Variants in SPAG16 observed in about 807,000 individuals in gnomAD.
The protein encoded by SPAG16 is sperm associated antigen 16.
In SPAG16, 86 loss-of-function variants were observed where a neutral mutation model predicts 80.4. That is an observed-to-expected ratio of 1.07 (90% CI 0.90 to 1.28). The LOEUF (loss-of-function observed/expected upper bound fraction) is 1.28, where lower values mean the gene tolerates loss of function less well. Among genes scored for constraint, SPAG16 ranks in the 50% most tolerant of loss-of-function variants. The probability of loss-of-function intolerance (pLI) is 0.00; values close to 1 mark genes in which losing one functional copy is unlikely to be tolerated. For missense variants in SPAG16, 870 were observed against 765.3 expected (o/e 1.14, Z -1.61); for synonymous variants, 294 against 265.9 (o/e 1.11, Z -1.03).
At chr2:214,330,277 CAAA>C (rs575894776) in intron 15 of SPAG16, among the ~76,000 whole-genome samples, 2 of 105,196 alleles carry the variant, frequency 1.9e-5, no homozygotes, top group Non-Finnish European at 2.1e-5. Context: ...AACTCTGTCT[CAAA>C]AAAAAAAAAA....
chr2:213,775,521 A>T (rs2069518071), intron 10 of SPAG16, among the ~76,000 whole-genome samples: 1 of 152,222 alleles, frequency 6.6e-6, no homozygotes, highest in South Asian at 2.1e-4. Context: ...GTTTCCAAGT[A>T]CACAGTACAG....
At chr2:214,275,431 G>A (rs1164873043) in intron 15 of SPAG16, among the ~76,000 whole-genome samples, 1 of 152,148 alleles carries the variant, frequency 6.6e-6, no homozygotes, top group Non-Finnish European at 1.5e-5. Context: ...TGGGCATTTA[G>A]TGCTATAAAC....
intron 11 of SPAG16, among the ~76,000 whole-genome samples, chr2:213,925,403 G>A (rs2078424975): frequency 6.7e-6 from 1 of 150,212 alleles, no homozygotes. Flanking sequence ...CTAGGCTGGA[G>A]TGCAGTGTCA....
At chr2:213,600,596 C>A (rs895942996) in intron 10 of SPAG16, among the ~76,000 whole-genome samples, 1 of 152,102 alleles carries the variant, frequency 6.6e-6, no homozygotes, top group African/African-American at 2.4e-5. Context: ...TACCAACTTT[C>A]TCCATCCAAT....
intron 3 of SPAG16, among the ~76,000 whole-genome samples, chr2:213,301,121 A>G (rs1485305864): frequency 2.6e-5 from 4 of 152,178 alleles, no homozygotes; most frequent in East Asian, 1.9e-4. Flanking sequence ...CTCTCACATC[A>G]TAATGCTAAT....
At chr2:214,405,687 C>G (rs1031225018) in intron 15 of SPAG16, among the ~76,000 whole-genome samples, 3 of 152,126 alleles carry the variant, frequency 2.0e-5, no homozygotes, top group Non-Finnish European at 2.9e-5. Context: ...ATCCCAGCTA[C>G]TCCGGAGGCT....
At chr2:214,285,063 A>C (rs921122120) in intron 15 of SPAG16, among the ~76,000 whole-genome samples, 5 of 152,110 alleles carry the variant, frequency 3.3e-5, no homozygotes, top group African/African-American at 1.2e-4. Flanking sequence ...TGTTTTCCAT[A>C]ATGGCTGTAC....
At chr2:213,383,059 C>A (rs377132483) in intron 9 of SPAG16, among the ~76,000 whole-genome samples, 5 of 152,184 alleles carry the variant, frequency 3.3e-5, no homozygotes, top group African/African-American at 1.2e-4. Context: ...TGTTCCAGAT[C>A]TTTACATGAT....
chr2:213,998,340 C>T (rs565125503), intron 12 of SPAG16, among the ~76,000 whole-genome samples: 1 of 152,070 alleles, frequency 6.6e-6, no homozygotes, highest in African/African-American at 2.4e-5. Context: ...TGGTTTCCCC[C>T]ATACTGTTCT....
At chr2:213,375,191 G>T in intron 9 of SPAG16, 72 bp downstream of exon 9, 1 of 1,090,186 alleles carries the variant, frequency 9.2e-7, no homozygotes, top group Non-Finnish European at 1.3e-6. Context: ...CACTCATATG[G>T]TATCATTATT....
intron 10 of SPAG16, among the ~76,000 whole-genome samples, chr2:213,705,798 G>T (rs1481364581): frequency 6.6e-5 from 10 of 151,860 alleles, no homozygotes; most frequent in African/African-American, 2.4e-4. Context: ...TGTTGTTGTT[G>T]TTGTTGTTGT....
chr2:214,372,926 T>G (rs1442969947), intron 15 of SPAG16, among the ~76,000 whole-genome samples: 1 of 152,174 alleles, frequency 6.6e-6, no homozygotes, highest in Non-Finnish European at 1.5e-5. Context: ...TTCAAATATA[T>G]GTACCAGCAA....
rs1029442090 is a variant in SPAG16, at chr2:214,050,308, AT to A, written c.1527+36233del. On this transcript the variant is annotated intron_variant, in intron 13 of 15. Transcript: ENST00000331683. ...GCCCCAGCTAAAAAAAAAAAAAAAA[AT>A]TCAGTTTATCTTGCGGATCCCAGGA... 2.7e-5 allele frequency among the ~76,000 whole-genome samples: 4 copies of A among 145,724 alleles called. 1 individual carries two copies. The highest frequency in any genetic ancestry group is 4.4e-4 in the South Asian group (2 of 4,542).
chr2:214,240,391 T>C (rs575099691), intron 15 of SPAG16: 1 of 152,346 alleles, frequency 6.6e-6, no homozygotes, highest in African/African-American at 2.4e-5. Flanking sequence ...GCAGGGTCTA[T>C]GTCCTTTCAT....
At chr2:213,325,560 G>A (rs2063806340) in intron 5 of SPAG16, among the ~76,000 whole-genome samples, 1 of 151,888 alleles carries the variant, frequency 6.6e-6, no homozygotes, top group Non-Finnish European at 1.5e-5. Context: ...AGACACGGGT[G>A]ATGTAGGTGT....
chr2:213,799,750 T>G (rs1026981100), intron 10 of SPAG16, among the ~76,000 whole-genome samples: 1 of 152,128 alleles, frequency 6.6e-6, no homozygotes, highest in Non-Finnish European at 1.5e-5. Flanking sequence ...TCAGAATCCA[T>G]AATTGAGGAT....
intron 9 of SPAG16, among the ~76,000 whole-genome samples, chr2:213,389,112 C>G (rs528248115): frequency 3.0e-4 from 46 of 152,220 alleles, no homozygotes; most frequent in African/African-American, 1.1e-3. Flanking sequence ...GAAATAAACC[C>G]TCACATATAT....
chr2:214,358,245 C>A (rs1170261202), intron 15 of SPAG16, among the ~76,000 whole-genome samples: 1 of 151,830 alleles, frequency 6.6e-6, no homozygotes, highest in Non-Finnish European at 1.5e-5. Context: ...CATCTCTGAT[C>A]CGACCCTTGC....
At chr2:214,189,570 T>A (rs980383677) in intron 15 of SPAG16, among the ~76,000 whole-genome samples, 1 of 152,086 alleles carries the variant, frequency 6.6e-6, no homozygotes, top group Non-Finnish European at 1.5e-5. Context: ...TGGGAGAATT[T>A]TTCAAGACTA....
Sources: gnomAD v4.1 joint callset for allele counts (sites outside exome capture counted in the v4.1 genomes callset) on GRCh38, gnomAD v4.1.1 for gene constraint, MANE v1.5 for transcripts, NCBI Gene and HGNC (gene_info 2026-07-23, HGNC 2026-07-21) for gene names.